The following SSTR3 variants were observed in gnomAD, a reference collection of about 807,000 sequenced individuals.
The protein encoded by SSTR3 is somatostatin receptor 3.
For synonymous variants in SSTR3, 281 were observed against 269.2 expected (o/e 1.04, Z -0.43); for missense variants, 504 against 604.7 (o/e 0.83, Z 1.75).
chr22:37,213,086 C>G (rs1420349800), upstream of SSTR3, among the ~76,000 whole-genome samples: 1 of 152,202 alleles, frequency 6.6e-6, no homozygotes, highest in Non-Finnish European at 1.5e-5. Flanking sequence ...TTACAGACAT[C>G]ACCTTTTGCT....
intron 1 of SSTR3, 55 bp from the exon 2 acceptor site, chr22:37,207,894 C>T (rs948072748): frequency 1.4e-6 from 2 of 1,392,450 alleles, no homozygotes; most frequent in Admixed American, 3.3e-5. Context: ...CTCTGTGCTG[C>T]CCCCTCCCAT....
chr22:37,210,154 A>G (rs111304805), intron 1 of SSTR3, among the ~76,000 whole-genome samples: 3 of 152,324 alleles, frequency 2.0e-5, no homozygotes, highest in African/African-American at 7.2e-5. Flanking sequence ...GCCAATCACA[A>G]GCCAGGGCTA....
chr22:37,207,402 C>T lies in SSTR3; in HGVS notation c.402G>A (p.Leu134=), dbSNP rs1361001843. The stretch of plus-strand genomic sequence containing the variant: ...GGTAGCGGTCCACGCTCATGACAGT[C>T]AGGCAGAATATGCTGGTGAACTGGT... ...GINQFTSIFC[L]TVMSVDRYLA... Residue 134 remains leucine (L), a synonymous_variant, in exon 2 of 2, where the codon CTG becomes CTA. Coordinates refer to ENST00000610913, the MANE Select transcript of SSTR3 (RefSeq NM_001051.5). 1 of 1,613,082 alleles carries T rather than the reference C, an allele frequency of 6.2e-7. No individual in the cohort carries two copies. The highest frequency in any genetic ancestry group is 8.5e-7 in the Non-Finnish European group (1 of 1,179,572).
Position 37,207,415 on chromosome 22 carries a change from C to A in SSTR3, c.389G>T (p.Ser130Ile). The A allele has an allele frequency of 6.2e-7, 1 of 1,613,276 alleles. No homozygotes were observed. The highest frequency in any genetic ancestry group is 8.5e-7 in the Non-Finnish European group (1 of 1,179,700). ...GCTCATGACAGTCAGGCAGAATATG[C>A]TGGTGAACTGGTTGATGCCATCCAC... ...MAVDGINQFT[S>I]IFCLTVMSVD... Residue 130 changes from serine (S) to isoleucine (I), a missense_variant, in exon 2 of 2, where the codon AGC (serine) becomes ATC (isoleucine). Physicochemically the swap from Ser to Ile is moderately radical, Grantham distance 142 (BLOSUM62 -2). Coordinates refer to ENST00000610913, the MANE Select transcript of SSTR3 (RefSeq NM_001051.5).
At chr22:37,219,688 G>A in the SSTR3 span, among the ~76,000 whole-genome samples, 1 of 152,184 alleles carries the variant, frequency 6.6e-6, no homozygotes, top group African/African-American at 2.4e-5. Flanking sequence ...ATCAGTACCT[G>A]TGTCACAAAC....
upstream of SSTR3, among the ~76,000 whole-genome samples, chr22:37,214,500 G>A (rs549554872): frequency 6.6e-6 from 1 of 152,260 alleles, no homozygotes; most frequent in East Asian, 1.9e-4. Context: ...ACTTCTTTGG[G>A]TCTTGGTCAT....
At chr22:37,210,959 A>C (rs1926154643) in intron 1 of SSTR3, 1 of 985,392 alleles carries the variant, frequency 1.0e-6, no homozygotes, top group African/African-American at 1.7e-5. Flanking sequence ...TGGAAGCCTC[A>C]GACTCACATC....
intron 1 of SSTR3, chr22:37,210,942 C>A: frequency 2.0e-6 from 2 of 985,506 alleles, no homozygotes; most frequent in Non-Finnish European, 2.4e-6. Flanking sequence ...GGGACATTGT[C>A]CCCGGATGGA....
Position 37,207,322 on chromosome 22 carries a change from C to T in SSTR3, c.482G>A (p.Arg161His), listed in dbSNP as rs371788740. Residue 161 changes from arginine (R) to histidine (H), a missense_variant, in exon 2 of 2, where the codon CGC (arginine) becomes CAC (histidine). By Grantham distance (29) the Arg-to-His change is conservative (BLOSUM62 0). Coordinates refer to ENST00000610913, the MANE Select transcript of SSTR3 (RefSeq NM_001051.5). Reference protein sequence around the residue: ...SARWRTAPVARTVSAAVWVAS... With the variant: ...SARWRTAPVAHTVSAAVWVAS... ...CACCCACACAGCCGCGCTGACCGTGCGGGCCACCGGAGCTGTGCGCCAGCG... is the reference window on the plus strand; with the variant it reads ...CACCCACACAGCCGCGCTGACCGTGTGGGCCACCGGAGCTGTGCGCCAGCG... The T allele has an allele frequency of 1.1e-5, 18 of 1,595,972 alleles. No homozygotes were observed. The highest frequency in any genetic ancestry group is 2.2e-5 in the East Asian group (1 of 44,718).
upstream of SSTR3, among the ~76,000 whole-genome samples, chr22:37,213,678 G>A (rs1245918729): frequency 1.3e-5 from 2 of 152,212 alleles, no homozygotes; most frequent in Non-Finnish European, 2.9e-5. Flanking sequence ...CATGAGGTGT[G>A]GGTGGGCTCC....
In SSTR3 at chr22:37,206,543, G is replaced by A; in HGVS notation, c.*4C>T. 1 of 1,596,482 alleles carries A rather than the reference G, an allele frequency of 6.3e-7. No individual in the cohort carries two copies. The highest frequency in any genetic ancestry group is 8.5e-7 in the Non-Finnish European group (1 of 1,169,966). Reference sequence around the variant, plus strand: ...CTCGGGCCATCCTGGCTTTCCCCAGGCCCCTACAGGTAGCTGATGCGCATC... The same window carrying A: ...CTCGGGCCATCCTGGCTTTCCCCAGACCCCTACAGGTAGCTGATGCGCATC... On this transcript the variant is annotated 3_prime_UTR_variant, in exon 2 of 2. Coordinates refer to ENST00000610913, the MANE Select transcript of SSTR3 (RefSeq NM_001051.5).
chr22:37,211,773 G>A (rs375565283), intron 1 of SSTR3, 52 bp downstream of exon 1: 4 of 985,304 alleles, frequency 4.1e-6, no homozygotes, highest in East Asian at 1.1e-4. Context: ...GCAGAGGATG[G>A]GCTTCCAGGA....
upstream of SSTR3, chr22:37,215,999 A>G (rs567804850): frequency 8.8e-4 from 128 of 144,700 alleles, no homozygotes; most frequent in African/African-American, 3.3e-3. Context: ...ATAATACAAT[A>G]TACAATAAAA....
upstream of SSTR3, among the ~76,000 whole-genome samples, chr22:37,216,850 G>T (rs1010650850): frequency 6.6e-5 from 10 of 152,282 alleles, no homozygotes; most frequent in Admixed American, 5.9e-4. Context: ...ACCCAAGCTG[G>T]AGTGCAGTGG....
intron 1 of SSTR3, among the ~76,000 whole-genome samples, chr22:37,209,997 A>G (rs1365666974): frequency 4.6e-5 from 7 of 152,258 alleles, no homozygotes; most frequent in Non-Finnish European, 1.0e-4. Context: ...TTAGAATTCC[A>G]GAATGCTAGA....
At chr22:37,216,046 G>T (rs1000442503), upstream of SSTR3, among the ~76,000 whole-genome samples, 7 of 152,208 alleles carry the variant, frequency 4.6e-5, no homozygotes, top group Admixed American at 3.3e-4. Flanking sequence ...GTTATATGAT[G>T]GTGACCTCTC....
upstream of SSTR3, chr22:37,216,038 T>A (rs904557276): frequency 1.9e-5 from 3 of 155,642 alleles, no homozygotes; most frequent in African/African-American, 7.2e-5. Flanking sequence ...TAACAGAAGT[T>A]ATATGATGGT....
the SSTR3 span, among the ~76,000 whole-genome samples, chr22:37,220,377 C>T: frequency 4.4e-3 from 670 of 152,248 alleles, 4 homozygotes; most frequent in African/African-American, 0.016. Flanking sequence ...CATGACAAAA[C>T]CCCGTCTCTA....
At chr22:37,216,874 C>T (rs1926471506), upstream of SSTR3, among the ~76,000 whole-genome samples, 1 of 152,158 alleles carries the variant, frequency 6.6e-6, no homozygotes, top group Non-Finnish European at 1.5e-5. Flanking sequence ...AATCTCGGCT[C>T]ACTGCCACCT....
Sources: allele counts gnomAD v4.1 joint callset (sites outside exome capture counted in the v4.1 genomes callset), GRCh38; gene constraint gnomAD v4.1.1; transcripts MANE v1.5; gene names NCBI Gene and HGNC (gene_info 2026-07-23, HGNC 2026-07-21).